The following EML6 variants were observed in gnomAD, a reference collection of about 807,000 sequenced individuals.
EML6 encodes the protein echinoderm microtubule-associated protein-like 6.
In EML6, 154 loss-of-function variants were observed where a neutral mutation model predicts 240.1. The observed-to-expected ratio is 0.64, with a 90% confidence interval of 0.56 to 0.73. The LOEUF (loss-of-function observed/expected upper bound fraction) is 0.73, where lower values mean the gene tolerates loss of function less well. Among genes scored for constraint, EML6 ranks in the 30% least tolerant of loss-of-function variants. The pLI is 0.00. For missense variants in EML6, 2,964 were observed against 2,474.6 expected, an observed-to-expected ratio of 1.20 and a Z score of -4.20; for synonymous variants, 1,148 against 899.0, an observed-to-expected ratio of 1.28 and a Z score of -4.95.
intron 2 of EML6, among the ~76,000 whole-genome samples, chr2:54,777,170 C>T (rs1484055863): frequency 6.6e-6 from 1 of 152,142 alleles, no homozygotes; most frequent in Non-Finnish European, 1.5e-5. Flanking sequence ...AGAAGGAAGT[C>T]TGCTAGCCCT....
chr2:54,967,892 C>T (rs1336142690), intron 39 of EML6, among the ~76,000 whole-genome samples: 4 of 152,138 alleles, frequency 2.6e-5, no homozygotes, highest in Admixed American at 6.5e-5. Context: ...TCTAATGCTG[C>T]GGCAGATCTG....
At chr2:54,900,138 A>C (rs1402282935) in intron 22 of EML6, among the ~76,000 whole-genome samples, 3 of 152,214 alleles carry the variant, frequency 2.0e-5, no homozygotes, top group African/African-American at 7.2e-5. Flanking sequence ...AACTTATTTT[A>C]TGACTTGAAA....
chr2:54,952,664 C>T lies in EML6; in HGVS notation c.4284C>T (p.Tyr1428=). The T allele has an allele frequency of 1.9e-6, 3 of 1,551,370 alleles. No homozygotes were observed. The change falls in exon 31 of 42, where the codon TAC becomes TAT. Residue 1428 remains tyrosine, a synonymous_variant. Transcript: ENST00000356458. The stretch of plus-strand genomic sequence containing the variant: ...TCACAGTGAACCAGCACCCCAAGTA[C>T]AGAAACGTGGTGGCCACCAGCCAGA... ...LCLTVNQHPK[Y]RNVVATSQIG... is the part of the protein sequence containing the mutation.
chr2:54,820,541 G>T (rs755567407), intron 5 of EML6, 79 bp downstream of exon 5: 3 of 835,398 alleles, frequency 3.6e-6, no homozygotes, highest in Non-Finnish European at 5.8e-6. Flanking sequence ...TTGATGTTGA[G>T]AGACTGCTAG....
intron 2 of EML6, among the ~76,000 whole-genome samples, chr2:54,728,449 C>G (rs1683005894): frequency 1.3e-5 from 2 of 152,144 alleles, no homozygotes; most frequent in African/African-American, 4.8e-5. Context: ...TTTTCCGGCT[C>G]CCATTTGCAA....
chr2:54,850,026 C>T lies in EML6; in HGVS notation c.1252C>T (p.Pro418Ser). 6.4e-7 allele frequency: 1 copy of T among 1,551,620 alleles called. No individual in the cohort carries two copies. The highest frequency in any genetic ancestry group is 8.7e-7 in the Non-Finnish European group (1 of 1,146,824). ...AGTCATTCATGAAATGAAATTTTCT[C>T]CAGATGGTTCTTACCTTGCAGTGGG... Reference protein sequence around the residue: ...KEVIHEMKFSPDGSYLAVGSN... With the variant: ...KEVIHEMKFSSDGSYLAVGSN... The change falls in exon 10 of 42, where the codon CCA becomes TCA. Residue 418 changes from proline to serine, a missense_variant. Physicochemically the swap from Pro to Ser is moderately conservative, Grantham distance 74. Coordinates refer to ENST00000356458, the MANE Select transcript of EML6 (RefSeq NM_001039753.4).
chr2:54,790,600 A>G (rs1312449033), intron 2 of EML6, among the ~76,000 whole-genome samples: 1 of 152,170 alleles, frequency 6.6e-6, no homozygotes, highest in East Asian at 1.9e-4. Flanking sequence ...TAATAGACTT[A>G]GAAGCAAGAA....
chr2:54,857,410 G>C (rs1388951660), intron 11 of EML6, among the ~76,000 whole-genome samples: 1 of 152,202 alleles, frequency 6.6e-6, no homozygotes, highest in Non-Finnish European at 1.5e-5. Context: ...AGCCTTATGA[G>C]AGACAGGTGT....
At chr2:54,928,241 C>G in intron 26 of EML6, 72 bp from the exon 27 acceptor site, 2 of 1,185,672 alleles carry the variant, frequency 1.7e-6, no homozygotes, top group Non-Finnish European at 2.5e-6. Flanking sequence ...CCAGTAGAAA[C>G]TAACATGGAT....
At chr2:54,882,872 A>AAAAAAAAAAAAAAAAAAAAAAAAAAAAAG (rs1345826141) in intron 17 of EML6, 1 of 126,086 alleles carries the variant, frequency 7.9e-6, no homozygotes, top group South Asian at 2.7e-4. Context: ...AAAAAAAAAA[A>AAAAAAAAAAAAAAAAAAAAAAAAAAAAAG]AAGAAAGCTT....
chr2:54,870,415 T>C (rs1178917919), intron 15 of EML6, among the ~76,000 whole-genome samples: 6 of 151,814 alleles, frequency 4.0e-5, no homozygotes, highest in Admixed American at 2.0e-4. Context: ...AAAAGGTATA[T>C]TTGGGGGAAA....
chr2:54,934,928 A>G (rs953355020), intron 28 of EML6, among the ~76,000 whole-genome samples: 28 of 152,108 alleles, frequency 1.8e-4, no homozygotes, highest in Non-Finnish European at 3.1e-4. Context: ...ACAAATTACT[A>G]TTTTATTTCT....
chr2:54,727,532 T>A (rs1682964127), intron 2 of EML6, among the ~76,000 whole-genome samples: 1 of 152,240 alleles, frequency 6.6e-6, no homozygotes, highest in Admixed American at 6.5e-5. Context: ...TTTTTTGTCC[T>A]TATGAATTTT....
intron 2 of EML6, among the ~76,000 whole-genome samples, chr2:54,728,689 T>G (rs1024752574): frequency 6.6e-6 from 1 of 152,152 alleles, no homozygotes; most frequent in African/African-American, 2.4e-5. Flanking sequence ...TGGCCCTTAG[T>G]TGGTGCTCAA....
chr2:54,849,165 C>G (rs918181989), intron 9 of EML6, among the ~76,000 whole-genome samples: 1 of 152,160 alleles, frequency 6.6e-6, no homozygotes, highest in Non-Finnish European at 1.5e-5. Flanking sequence ...AATAGATACA[C>G]ATATTTTCAG....
At position 54,724,527 on chromosome 2, in the gene EML6, C is replaced by T. The variant is rs1206432036; in HGVS notation, c.-513-22C>T. ...GCGAAAAATCTGTTTCTTTCTTCCT[C>T]GCTCTCGCTTCCTGGATATAGACTG... On this transcript the variant is annotated intron_variant, in intron 1 of 41. Transcript: ENST00000356458. The surrounding 1 kb of genome is among the most constrained non-coding windows in gnomAD (Gnocchi z 5.2). 2.6e-5 allele frequency: 4 copies of T among 152,152 alleles called. No homozygotes were observed. The highest frequency in any genetic ancestry group is 7.2e-5 in the African/African-American group (3 of 41,422). 9.4% of individuals were successfully genotyped at this position (152,152 alleles called of 1,614,324 possible). A position where few individuals can be genotyped will look rare whatever the true frequency, so the allele number is the denominator to read the frequency against.
At chr2:54,789,855 C>G (rs1440539623) in intron 2 of EML6, among the ~76,000 whole-genome samples, 1 of 152,166 alleles carries the variant, frequency 6.6e-6, no homozygotes, top group Non-Finnish European at 1.5e-5. Context: ...TTGCTTCTAC[C>G]TAAATAGTAA....
chr2:54,876,314 C>A (rs1019190669), intron 16 of EML6, among the ~76,000 whole-genome samples: 1 of 152,126 alleles, frequency 6.6e-6, no homozygotes, highest in Admixed American at 6.5e-5. Flanking sequence ...AGCCCACACC[C>A]GCAGAACTCG....
At chr2:54,759,567 A>T (rs1667886123) in intron 2 of EML6, among the ~76,000 whole-genome samples, 1 of 152,180 alleles carries the variant, frequency 6.6e-6, no homozygotes, top group Non-Finnish European at 1.5e-5. Flanking sequence ...TTTAAAAGTC[A>T]TAAATTCAGA....
Sources: gnomAD v4.1 joint callset for allele counts (sites outside exome capture counted in the v4.1 genomes callset) on GRCh38, gnomAD v4.1.1 for gene constraint, Gnocchi (gnomAD v3.1) non-coding constraint, MANE v1.5 for transcripts, NCBI Gene and HGNC (gene_info 2026-07-23, HGNC 2026-07-21) for gene names.